Variants in ACOXL observed in about 807,000 individuals in gnomAD.
The protein encoded by ACOXL is acyl-CoA oxidase like, also known as acyl-coenzyme A oxidase-like protein.
A neutral mutation model predicts 71.9 loss-of-function variants in ACOXL; 70 were observed. The ratio of observed to expected loss-of-function variants is 0.97; its 90% CI spans 0.80 to 1.19. ACOXL has a LOEUF of 1.19. Ranked by LOEUF, ACOXL falls within the 50% of genes most tolerant of loss-of-function variation. ACOXL has a pLI of 0.00. For synonymous variants in ACOXL, 253 were observed against 281.6 expected (o/e 0.90, Z 1.02); for missense variants, 703 against 736.3 (o/e 0.95, Z 0.52).
At chr2:110,959,563 C>T (rs1351592216) in intron 12 of ACOXL, among the ~76,000 whole-genome samples, 1 of 152,134 alleles carries the variant, frequency 6.6e-6, no homozygotes, top group African/African-American at 2.4e-5. Context: ...TTTTTCTGTG[C>T]CACACCTGTC....
chr2:111,067,730 A>G (rs1158849711), intron 16 of ACOXL, among the ~76,000 whole-genome samples: 2 of 152,258 alleles, frequency 1.3e-5, no homozygotes, highest in Non-Finnish European at 2.9e-5. Flanking sequence ...TAAAAGTTTC[A>G]TAACAATGGA....
At chr2:110,855,023 A>G (rs924675525) in intron 10 of ACOXL, among the ~76,000 whole-genome samples, 1 of 152,216 alleles carries the variant, frequency 6.6e-6, no homozygotes, top group African/African-American at 2.4e-5. Flanking sequence ...AACCTTTGAG[A>G]GTCTTCTTTT....
intron 3 of ACOXL, among the ~76,000 whole-genome samples, chr2:110,792,412 C>G (rs1684758532): frequency 6.6e-6 from 1 of 152,202 alleles, no homozygotes; most frequent in South Asian, 2.1e-4. Flanking sequence ...CTGCCTCTTC[C>G]TGTTTCTTCT....
intron 2 of ACOXL, among the ~76,000 whole-genome samples, chr2:110,780,777 T>TA (rs1365721819): frequency 2.0e-5 from 3 of 152,144 alleles, no homozygotes; most frequent in Admixed American, 1.3e-4. Flanking sequence ...CTCATGCCTG[T>TA]AATCCCAGCA....
At chr2:110,917,638 T>G (rs1299227841) in intron 11 of ACOXL, among the ~76,000 whole-genome samples, 1 of 152,216 alleles carries the variant, frequency 6.6e-6, no homozygotes, top group Non-Finnish European at 1.5e-5. Context: ...ATGACATGAT[T>G]GTATATGTAG....
intron 11 of ACOXL, among the ~76,000 whole-genome samples, chr2:110,917,340 A>G (rs2059900494): frequency 6.6e-6 from 1 of 152,230 alleles, no homozygotes; most frequent in African/African-American, 2.4e-5. Context: ...AAGACCTTTG[A>G]CAAAATTCAA....
At chr2:110,762,589 T>C (rs944632572) in intron 1 of ACOXL, among the ~76,000 whole-genome samples, 1 of 152,216 alleles carries the variant, frequency 6.6e-6, no homozygotes, top group African/African-American at 2.4e-5. Context: ...CCACTTTGAG[T>C]GAAGTATAGA....
intron 10 of ACOXL, among the ~76,000 whole-genome samples, chr2:110,870,096 A>G (rs568460177): frequency 1.3e-5 from 2 of 152,146 alleles, no homozygotes; most frequent in African/African-American, 4.8e-5. Flanking sequence ...GCTGGGGGAA[A>G]ATTAGGGCTG....
intron 17 of ACOXL, among the ~76,000 whole-genome samples, chr2:111,097,900 TA>T (rs1263839453): frequency 2.6e-5 from 4 of 152,196 alleles, no homozygotes; most frequent in Non-Finnish European, 4.4e-5. Context: ...CTCCAGGAGG[TA>T]AAGCTTAATT....
chr2:110,801,431 T>C (rs1239780421), intron 7 of ACOXL, among the ~76,000 whole-genome samples: 1 of 152,090 alleles, frequency 6.6e-6, no homozygotes, highest in African/African-American at 2.4e-5. Context: ...TCCATTCTCC[T>C]CCACTCTCGC....
In ACOXL at chr2:110,796,626, C is replaced by T. The variant is rs537317907; in HGVS notation, c.346-1984C>T. Among the ~76,000 whole-genome samples the T allele has an allele frequency of 3.9e-5, 6 of 152,220 alleles. No homozygotes were observed. In the South Asian group the frequency reaches 1.2e-3, roughly 32 times the overall value. On this transcript the variant is annotated intron_variant, in intron 5 of 17. Coordinates refer to ENST00000439055, the MANE Select transcript of ACOXL (RefSeq NM_001142807.4). ...TTCCTCTGCCACTTCACTTTCTTAC[C>T]CTGAGTGTAAGCATGCGCCCACCCA...
intron 9 of ACOXL, among the ~76,000 whole-genome samples, chr2:110,805,699 A>G (rs1172070851): frequency 2.6e-5 from 4 of 152,248 alleles, no homozygotes; most frequent in Non-Finnish European, 5.9e-5. Flanking sequence ...CAGAGCAAAC[A>G]CATCTGCTGG....
rs1574087107 is a variant in ACOXL, at chr2:110,911,427, A to G, written c.905+2522A>G. 2.0e-5 allele frequency among the ~76,000 whole-genome samples: 3 copies of G among 152,228 alleles called. No individual in the cohort carries two copies. The East Asian group carries it at 5.8e-4, about 29-fold the overall frequency. On this transcript the variant is annotated intron_variant, in intron 11 of 17. Transcript: ENST00000439055. ...AAGGCAAAGACATTAGAAGAAAACT[A>G]TAGAGCAATATCACTTATGAATATA...
At chr2:110,944,358 T>A (rs1339156700) in intron 12 of ACOXL, among the ~76,000 whole-genome samples, 5 of 152,054 alleles carry the variant, frequency 3.3e-5, no homozygotes, top group African/African-American at 4.8e-5. Context: ...TTTTTTTTTT[T>A]AAACTTTTAT....
chr2:111,028,510 C>T (rs2065118999), intron 14 of ACOXL, among the ~76,000 whole-genome samples: 1 of 150,890 alleles, frequency 6.6e-6, no homozygotes, highest in Non-Finnish European at 1.5e-5. Flanking sequence ...ATTGCCCTGG[C>T]TAGAATCTCC....
At chr2:111,102,204 A>G (rs2069213393) in intron 17 of ACOXL, 1 of 152,300 alleles carries the variant, frequency 6.6e-6, no homozygotes, top group Non-Finnish European at 1.5e-5. Flanking sequence ...TATAAAATAC[A>G]TTGCTGAACC....
At chr2:110,994,185 A>T (rs1254126602) in intron 13 of ACOXL, among the ~76,000 whole-genome samples, 1 of 152,250 alleles carries the variant, frequency 6.6e-6, no homozygotes, top group Admixed American at 6.5e-5. Flanking sequence ...TGACTAAAAC[A>T]TACTTTTCAA....
chr2:110,988,031 C>T lies in ACOXL; in HGVS notation c.1169+814C>T, dbSNP rs367617215. Among the ~76,000 whole-genome samples the T allele has an allele frequency of 3.7e-4, 57 of 152,360 alleles. No individual in the cohort carries two copies. In the South Asian group the frequency reaches 0.012, roughly 31 times the overall value. On this transcript the variant is annotated intron_variant, in intron 13 of 17. Transcript: ENST00000439055. ...CCATATATCCATAGGACCTCCACTT[C>T]AGACGCAACTGAAGCAAACAGTTCA... is the stretch of plus-strand genomic sequence containing the variant.
At chr2:110,993,023 T>G (rs552080006) in intron 13 of ACOXL, among the ~76,000 whole-genome samples, 2 of 152,272 alleles carry the variant, frequency 1.3e-5, no homozygotes, top group African/African-American at 2.4e-5. Context: ...GATCTGTGTA[T>G]GGAACTCACC....
Sources: gnomAD v4.1 joint callset for allele counts (sites outside exome capture counted in the v4.1 genomes callset) on GRCh38, gnomAD v4.1.1 for gene constraint, MANE v1.5 for transcripts, NCBI Gene and HGNC (gene_info 2026-07-23, HGNC 2026-07-21) for gene names.